Variants in ZKSCAN7 observed in about 807,000 individuals in gnomAD.
ZKSCAN7 encodes zinc finger with KRAB and SCAN domains 7, also known as zinc finger protein with KRAB and SCAN domains 7.
ZKSCAN7 carries 38 observed loss-of-function variants against 65.3 expected under a neutral mutation model. The ratio of observed to expected loss-of-function variants is 0.58; its 90% CI spans 0.45 to 0.76. The LOEUF is 0.76. Ranked by LOEUF, ZKSCAN7 falls within the 30% of genes least tolerant of loss-of-function variation. The pLI, the probability that ZKSCAN7 is intolerant of heterozygous loss-of-function variation, is 0.00. For synonymous variants in ZKSCAN7, 321 were observed against 321.0 expected, an observed-to-expected ratio of 1.00 and a Z score of 0.00; for missense variants, 815 against 913.3, an observed-to-expected ratio of 0.89 and a Z score of 1.39.
chr3:44,561,132 A>G (rs1699463656), intron 2 of ZKSCAN7, among the ~76,000 whole-genome samples: 1 of 152,216 alleles, frequency 6.6e-6, no homozygotes, highest in Non-Finnish European at 1.5e-5. Flanking sequence ...TACCTGGGTA[A>G]TTAAAAAGAA....
chr3:44,561,993 G>A (rs188511822), intron 2 of ZKSCAN7, among the ~76,000 whole-genome samples: 1 of 152,324 alleles, frequency 6.6e-6, no homozygotes, highest in Admixed American at 6.5e-5. Context: ...GCTCCACTAG[G>A]GAATGCCTCA....
intron 5 of ZKSCAN7, chr3:44,579,829 C>T (rs2125735498): frequency 6.2e-7 from 1 of 1,612,814 alleles, no homozygotes; most frequent in Non-Finnish European, 8.5e-7. Flanking sequence ...GTTTCTTCCA[C>T]TGGCTGTCCT....
downstream of ZKSCAN7, among the ~76,000 whole-genome samples, chr3:44,575,478 A>G (rs1231121837): frequency 6.6e-6 from 1 of 152,248 alleles, no homozygotes; most frequent in African/African-American, 2.4e-5. Context: ...ACACTATAAT[A>G]AAAGTTTTAT....
Position 44,557,350 on chromosome 3 carries a change from G to A in ZKSCAN7, c.303G>A (p.Gln101=). 6.2e-7 allele frequency: 1 copy of A among 1,614,270 alleles called. No individual in the cohort carries two copies. Among genetic ancestry groups the A allele is most frequent in the Non-Finnish European group, 8.5e-7 (1 of 1,180,050 alleles). Reference sequence around the variant, plus strand: ...TCCTGGAGCTGCTGGTGCTTGAGCAGTTCCTGAGCATCCTCCCTGGGGAGC... The same window carrying A: ...TCCTGGAGCTGCTGGTGCTTGAGCAATTCCTGAGCATCCTCCCTGGGGAGC... The part of the protein sequence containing the change: ...EQILELLVLE[Q]FLSILPGELR... The change falls in exon 2 of 6, where the codon CAG becomes CAA. Residue 101 remains glutamine (Q), a synonymous_variant. Transcript: ENST00000426540.
At chr3:44,555,756 C>T (rs1474123339) in intron 1 of ZKSCAN7, among the ~76,000 whole-genome samples, 3 of 152,146 alleles carry the variant, frequency 2.0e-5, no homozygotes, top group Non-Finnish European at 2.9e-5. Context: ...CCTTCTTTGT[C>T]TTTTTAAAGA....
downstream of ZKSCAN7, among the ~76,000 whole-genome samples, chr3:44,575,663 C>T (rs151207593): frequency 5.6e-3 from 856 of 152,290 alleles, 7 homozygotes; most frequent in African/African-American, 0.02. Flanking sequence ...CTGCAACCTC[C>T]GCCTCCCAGG....
intron 5 of ZKSCAN7, chr3:44,580,751 G>A: frequency 1.7e-5 from 27 of 1,613,880 alleles, no homozygotes; most frequent in Non-Finnish European, 2.1e-5. Context: ...CCTGAGGAAG[G>A]GTCGTGGGCA....
In ZKSCAN7 at chr3:44,568,445, G is replaced by A. The variant is rs1244610690; in HGVS notation, c.811+12G>A. The A allele has an allele frequency of 6.2e-7, 1 of 1,611,842 alleles. No homozygotes were observed. Among genetic ancestry groups the A allele is most frequent in the African/African-American group, 1.3e-5 (1 of 74,842 alleles). On this transcript the variant is annotated intron_variant, in intron 5 of 5. Coordinates refer to ENST00000426540, the MANE Select transcript of ZKSCAN7 (RefSeq NM_001288590.2). Reference sequence around the variant, plus strand: ...CATGGCCTCCTTGGGTAATGATTCTGTTTCCTAGTCACTTAAAGTCTGCAT... The same window carrying A: ...CATGGCCTCCTTGGGTAATGATTCTATTTCCTAGTCACTTAAAGTCTGCAT...
At chr3:44,558,902 C>T (rs1325887082) in intron 2 of ZKSCAN7, among the ~76,000 whole-genome samples, 2 of 151,258 alleles carry the variant, frequency 1.3e-5, no homozygotes, top group Admixed American at 6.6e-5. Context: ...CCTTAGCCTC[C>T]TGAGTAGCTG....
rs1157237762 is a variant in ZKSCAN7 at position 44,570,850 on chromosome 3, A to T, written c.1740A>T (p.Lys580Asn). The stretch of plus-strand genomic sequence containing the variant: ...TCCATACTGGGGAAAAGCCATACAA[A>T]TGTAGTGAATGTGGGAAAGCCTTCA... Reference protein sequence around the residue: ...QSLHTGEKPYKCSECGKAFNQ... With the variant: ...QSLHTGEKPYNCSECGKAFNQ... Residue 580 changes from lysine (K) to asparagine (N), a missense_variant, in exon 6 of 6, where the codon AAA (lysine) becomes AAT (asparagine). Coordinates refer to ENST00000426540, the MANE Select transcript of ZKSCAN7 (RefSeq NM_001288590.2). 5 of 1,614,096 alleles carry T rather than the reference A, an allele frequency of 3.1e-6. No individual in the cohort carries two copies. Among genetic ancestry groups the T allele is most frequent in the Non-Finnish European group, 4.2e-6 (5 of 1,180,046 alleles).
chr3:44,573,548 T>A (rs946063471), downstream of ZKSCAN7, among the ~76,000 whole-genome samples: 4 of 152,236 alleles, frequency 2.6e-5, no homozygotes, highest in African/African-American at 9.6e-5. Flanking sequence ...TATGAATATA[T>A]ATTTTAAATT....
Position 44,571,068 on chromosome 3 carries a change from A to C in ZKSCAN7, c.1958A>C (p.His653Pro). 6.2e-7 allele frequency: 1 copy of C among 1,614,220 alleles called. No homozygotes were observed. Among genetic ancestry groups the C allele is most frequent in the Non-Finnish European group, 8.5e-7 (1 of 1,180,044 alleles). Reference protein sequence around the residue: ...SFNQNSHLIIHQRIHTGEKPY... With the variant: ...SFNQNSHLIIPQRIHTGEKPY... ...AATCAAAACTCACACCTTATTATAC[A>C]CCAGAGAATTCACACTGGTGAGAAA... The change falls in exon 6 of 6, where the codon CAC (histidine) becomes CCC (proline). Residue 653 changes from histidine to proline, a missense_variant. His to Pro is a moderately conservative substitution (Grantham distance 77). Coordinates refer to ENST00000426540, the MANE Select transcript of ZKSCAN7 (RefSeq NM_001288590.2).
chr3:44,575,512 C>G (rs778292789), downstream of ZKSCAN7, among the ~76,000 whole-genome samples: 18 of 152,174 alleles, frequency 1.2e-4, no homozygotes, highest in Non-Finnish European at 2.6e-4. Context: ...TAAGTTTTAT[C>G]AAGTTATAAA....
chr3:44,582,907 CGTGT>C (rs4016043), intron 5 of ZKSCAN7: 33,449 of 352,150 alleles, frequency 0.095, 1,185 homozygotes, highest in African/African-American at 0.18. Flanking sequence ...CATGAATATT[CGTGT>C]GTGTGTGTGT....
At chr3:44,580,059 G>A (rs193157899) in intron 5 of ZKSCAN7, 8 of 1,590,150 alleles carry the variant, frequency 5.0e-6, no homozygotes, top group East Asian at 2.2e-5. Flanking sequence ...ACTGGATGGC[G>A]AGGGCCCCAC....
chr3:44,573,207 C>T (rs142295823), downstream of ZKSCAN7, among the ~76,000 whole-genome samples: 251 of 152,352 alleles, frequency 1.6e-3, no homozygotes, highest in African/African-American at 5.7e-3. Flanking sequence ...CAACTTTTCC[C>T]TTCCACCCTT....
chr3:44,575,941 G>A (rs1300480427), downstream of ZKSCAN7, among the ~76,000 whole-genome samples: 1 of 152,120 alleles, frequency 6.6e-6, no homozygotes, highest in Non-Finnish European at 1.5e-5. Flanking sequence ...TTTGCTGGCT[G>A]TGCAAAATGA....
At chr3:44,568,112 C>T (rs1486065492) in intron 4 of ZKSCAN7, 109 bp downstream of exon 4, 3 of 1,515,920 alleles carry the variant, frequency 2.0e-6, no homozygotes, top group Non-Finnish European at 9.0e-7. Context: ...TCCTGTGGCT[C>T]TCCTGCCTCA....
At chr3:44,580,169 G>A (rs1273198401) in intron 5 of ZKSCAN7, 1 of 1,610,568 alleles carries the variant, frequency 6.2e-7, no homozygotes, top group South Asian at 1.1e-5. Flanking sequence ...GGCTGGGAGG[G>A]GAGAGCGGCG....
Sources: allele counts gnomAD v4.1 joint callset (sites outside exome capture counted in the v4.1 genomes callset), GRCh38; gene constraint gnomAD v4.1.1; transcripts MANE v1.5; gene names NCBI Gene and HGNC (gene_info 2026-07-23, HGNC 2026-07-21).